The following VWC2 variants were observed in gnomAD, a reference collection of about 807,000 sequenced individuals.
VWC2 encodes brorin.
A neutral mutation model predicts 29.8 loss-of-function variants in VWC2; 14 were observed. The ratio of observed to expected loss-of-function variants is 0.47; its 90% CI spans 0.31 to 0.74. The LOEUF (loss-of-function observed/expected upper bound fraction) is 0.74, where lower values mean the gene tolerates loss of function less well. Among genes scored for constraint, VWC2 ranks in the 30% least tolerant of loss-of-function variants. The pLI is 0.05. For synonymous variants in VWC2, 213 were observed against 199.0 expected (o/e 1.07, Z -0.59); for missense variants, 457 against 459.8 (o/e 0.99, Z 0.05).
Position 49,919,265 on chromosome 7 carries a change from A to G in VWC2, c.*7080A>G, listed in dbSNP as rs1793894176. ...TTAGACCTGGGTGATAGAGTCATATATGGTCTTTGGACCCATGAAGCTCTG... is the reference window on the plus strand; with the variant it reads ...TTAGACCTGGGTGATAGAGTCATATGTGGTCTTTGGACCCATGAAGCTCTG... On this transcript the variant is annotated 3_prime_UTR_variant, in exon 4 of 4. Coordinates refer to ENST00000340652, the MANE Select transcript of VWC2 (RefSeq NM_198570.5). 2 of 152,156 alleles carry G rather than the reference A, an allele frequency of 1.3e-5. No individual in the cohort carries two copies. The highest frequency in any genetic ancestry group is 4.1e-4 in the South Asian group (2 of 4,830). The allele number at this position is 152,156 out of a possible 1,614,324, so 9.4% of individuals were successfully genotyped here. A position where few individuals can be genotyped will look rare whatever the true frequency, so the allele number is the denominator to read the frequency against.
chr7:49,893,662 C>A (rs1181602878), intron 3 of VWC2, among the ~76,000 whole-genome samples: 2 of 149,604 alleles, frequency 1.3e-5, no homozygotes, highest in African/African-American at 4.9e-5. Flanking sequence ...CCTTTTGAGA[C>A]CAGTACCCTG....
chr7:49,808,970 G>T (rs961459029), intron 3 of VWC2, among the ~76,000 whole-genome samples: 2 of 151,938 alleles, frequency 1.3e-5, no homozygotes, highest in African/African-American at 2.4e-5. Context: ...CTACCTTAAG[G>T]AACTAATAAC....
intron 2 of VWC2, among the ~76,000 whole-genome samples, chr7:49,791,079 C>T (rs1479530641): frequency 6.6e-6 from 1 of 152,112 alleles, no homozygotes; most frequent in African/African-American, 2.4e-5. Flanking sequence ...TGTTTTCACT[C>T]CATAAAAAGC....
At chr7:49,799,868 C>T (rs999423111) in intron 2 of VWC2, among the ~76,000 whole-genome samples, 1 of 152,160 alleles carries the variant, frequency 6.6e-6, no homozygotes, top group African/African-American at 2.4e-5. Context: ...CTGCACAGCA[C>T]GTTACTGTCC....
intron 3 of VWC2, among the ~76,000 whole-genome samples, chr7:49,849,854 C>T (rs1336230920): frequency 6.6e-6 from 1 of 152,196 alleles, no homozygotes; most frequent in African/African-American, 2.4e-5. Context: ...GCCAGTGAAG[C>T]CTCATATAGT....
intron 3 of VWC2, among the ~76,000 whole-genome samples, chr7:49,822,470 G>A (rs1052150391): frequency 6.6e-6 from 1 of 152,158 alleles, no homozygotes; most frequent in African/African-American, 2.4e-5. Flanking sequence ...GTCTTACTCT[G>A]TTGCCCAGGC....
At chr7:49,781,661 G>T (rs534995414) in intron 2 of VWC2, among the ~76,000 whole-genome samples, 4 of 152,278 alleles carry the variant, frequency 2.6e-5, no homozygotes, top group African/African-American at 9.6e-5. Flanking sequence ...TGATGAAGTG[G>T]CATTTTGCGT....
chr7:49,892,313 T>G (rs1003940585), intron 3 of VWC2, among the ~76,000 whole-genome samples: 1 of 152,034 alleles, frequency 6.6e-6, no homozygotes, highest in Non-Finnish European at 1.5e-5. Flanking sequence ...CCCAAAGTGC[T>G]GGGATTACAA....
chr7:49,807,284 A>G (rs1232182206), intron 3 of VWC2, among the ~76,000 whole-genome samples: 1 of 152,234 alleles, frequency 6.6e-6, no homozygotes. Context: ...TGTAGCAATT[A>G]TCAAACTGAT....
At chr7:49,899,493 T>C (rs1259311063) in intron 3 of VWC2, among the ~76,000 whole-genome samples, 1 of 152,026 alleles carries the variant, frequency 6.6e-6, no homozygotes, top group African/African-American at 2.4e-5. Flanking sequence ...TTACACCATG[T>C]TAAGACTAAT....
At chr7:49,837,075 T>C (rs915364519) in intron 3 of VWC2, among the ~76,000 whole-genome samples, 4 of 152,382 alleles carry the variant, frequency 2.6e-5, no homozygotes, top group Middle Eastern at 3.4e-3. Context: ...CAGATGATCA[T>C]ATGTGGCAAC....
chr7:49,775,526 A>G lies in VWC2; in HGVS notation c.91A>G (p.Ile31Val). The change falls in exon 2 of 4, where the codon ATC (isoleucine) becomes GTC (valine). Residue 31 changes from isoleucine to valine, a missense_variant. Physicochemically the swap from Ile to Val is conservative, Grantham distance 29 (BLOSUM62 3). Transcript: ENST00000340652. ...CLMVALCSPS[I>V]PLEKLAQAPE... The stretch of plus-strand genomic sequence containing the variant: ...GATGGTGGCTCTGTGCAGTCCGAGC[A>G]TCCCGCTGGAGAAGCTGGCCCAGGC... 3 of 1,575,594 alleles carry G rather than the reference A, an allele frequency of 1.9e-6. No individual in the cohort carries two copies. The highest frequency in any genetic ancestry group is 2.6e-6 in the Non-Finnish European group (3 of 1,165,078).
intron 3 of VWC2, among the ~76,000 whole-genome samples, chr7:49,855,177 T>A (rs903150251): frequency 2.6e-5 from 4 of 152,232 alleles, no homozygotes; most frequent in African/African-American, 9.6e-5. Context: ...ATTATCATAT[T>A]TCTTAGTTCC....
chr7:49,779,647 G>A (rs1290625247), intron 2 of VWC2, among the ~76,000 whole-genome samples: 2 of 151,512 alleles, frequency 1.3e-5, no homozygotes, highest in African/African-American at 4.9e-5. Flanking sequence ...CAGTACATTA[G>A]TCTGCTAGGG....
chr7:49,832,642 G>A (rs1789562275), intron 3 of VWC2, among the ~76,000 whole-genome samples: 1 of 152,164 alleles, frequency 6.6e-6, no homozygotes, highest in Non-Finnish European at 1.5e-5. Flanking sequence ...ACTTCTGTTT[G>A]GTTCCATGGC....
chr7:49,840,949 G>A (rs754636186), intron 3 of VWC2, among the ~76,000 whole-genome samples: 2 of 152,126 alleles, frequency 1.3e-5, no homozygotes, highest in Non-Finnish European at 2.9e-5. Context: ...TGACTTGATG[G>A]GATGCAAAGA....
intron 3 of VWC2, among the ~76,000 whole-genome samples, chr7:49,883,797 G>A (rs1292348406): frequency 6.6e-6 from 1 of 152,182 alleles, no homozygotes; most frequent in Non-Finnish European, 1.5e-5. Flanking sequence ...CCAAGTATCA[G>A]TTAAAATCAA....
intron 3 of VWC2, among the ~76,000 whole-genome samples, chr7:49,891,977 C>T (rs959132292): frequency 1.4e-5 from 2 of 147,492 alleles, no homozygotes; most frequent in African/African-American, 2.5e-5. Flanking sequence ...GATACAAATA[C>T]GGACCCTATA....
intron 3 of VWC2, among the ~76,000 whole-genome samples, chr7:49,849,251 A>G (rs1790080106): frequency 6.6e-6 from 1 of 152,232 alleles, no homozygotes; most frequent in Admixed American, 6.5e-5. Context: ...TTTGTCTTTT[A>G]TGAATGAATT....
Sources: allele counts gnomAD v4.1 joint callset (sites outside exome capture counted in the v4.1 genomes callset), GRCh38; gene constraint gnomAD v4.1.1; transcripts MANE v1.5; gene names NCBI Gene and HGNC (gene_info 2026-07-23, HGNC 2026-07-21).